Variants in SKIC2 observed in about 807,000 individuals in gnomAD.
The protein encoded by SKIC2 is superkiller complex protein 2.
the SKIC2 span, chr6:31,963,314 GA>G: frequency 2.5e-5 from 30 of 1,208,298 alleles, no homozygotes; most frequent in Admixed American, 6.9e-4. This position sits in a 1 kb window ranked among gnomAD's most constrained non-coding sequence, Gnocchi z 5.3. Context: ...CTGGGTCTCA[GA>G]AAAGACTGGG....
At chr6:31,961,727 C>G in the SKIC2 span, 2 of 1,586,812 alleles carry the variant, frequency 1.3e-6, no homozygotes, top group East Asian at 2.2e-5. Flanking sequence ...GGGTCACACT[C>G]CCAGCCGACC....
the SKIC2 span, chr6:31,966,814 T>C: frequency 6.2e-7 from 1 of 1,614,168 alleles, no homozygotes; most frequent in South Asian, 1.1e-5. This position sits in a 1 kb window ranked among gnomAD's most constrained non-coding sequence, Gnocchi z 5.9. Context: ...GAAGAGGAGC[T>C]TCTCTGAGTT....
chr6:31,967,959 C>T, the SKIC2 span: 1 of 1,613,094 alleles, frequency 6.2e-7, no homozygotes. The surrounding 1 kb of genome is among the most constrained non-coding windows in gnomAD (Gnocchi z 4.9). Context: ...TTCACAGGGC[C>T]TTGTGACCAC....
chr6:31,960,877 G>A, the SKIC2 span: 1 of 898,228 alleles, frequency 1.1e-6, no homozygotes, highest in Admixed American at 2.3e-5. Context: ...TCATCTGCTG[G>A]GAAATTTCTA....
the SKIC2 span, chr6:31,967,426 C>T: frequency 4.2e-6 from 6 of 1,438,082 alleles, no homozygotes; most frequent in Non-Finnish European, 5.9e-6. The surrounding 1 kb of genome is among the most constrained non-coding windows in gnomAD (Gnocchi z 4.9). Context: ...GGAGCAAGCC[C>T]TCTCTCCATT....
chr6:31,961,831 GCCC>G, the SKIC2 span: 1 of 1,578,986 alleles, frequency 6.3e-7, no homozygotes, highest in Non-Finnish European at 8.7e-7. Context: ...TCATCCGCCC[GCCC>G]TGCGTGCTCC....
At chr6:31,963,385 C>G in the SKIC2 span, 1 of 1,521,976 alleles carries the variant, frequency 6.6e-7, no homozygotes, top group Non-Finnish European at 8.8e-7. The surrounding 1 kb of genome is among the most constrained non-coding windows in gnomAD (Gnocchi z 5.3). Flanking sequence ...GTTCCCACCC[C>G]TGACCTGCTT....
At chr6:31,961,081 C>G in the SKIC2 span, 1 of 1,613,410 alleles carries the variant, frequency 6.2e-7, no homozygotes. Context: ...AAGGCATGGA[C>G]TTTGCACCAA....
chr6:31,966,717 G>A, the SKIC2 span: 4,679 of 1,614,040 alleles, frequency 2.9e-3, 146 homozygotes, highest in East Asian at 0.072. The surrounding 1 kb of genome is among the most constrained non-coding windows in gnomAD (Gnocchi z 5.9). Flanking sequence ...AGGGGAAGCC[G>A]TCCCAGCTGC....
At chr6:31,963,513 G>A in the SKIC2 span, 2 of 1,606,716 alleles carry the variant, frequency 1.2e-6, no homozygotes, top group East Asian at 2.2e-5. The surrounding 1 kb of genome is among the most constrained non-coding windows in gnomAD (Gnocchi z 5.3). Context: ...GACCCAGGGG[G>A]AGCTCTTTTT....
the SKIC2 span, chr6:31,966,579 G>A: frequency 1.2e-6 from 1 of 849,422 alleles, no homozygotes; most frequent in Non-Finnish European, 1.9e-6. This position sits in a 1 kb window ranked among gnomAD's most constrained non-coding sequence, Gnocchi z 5.9. Context: ...AGGTGAGCAA[G>A]TGGTTTGTCC....
the SKIC2 span, among the ~76,000 whole-genome samples, chr6:31,965,218 G>A: frequency 3.9e-5 from 6 of 152,208 alleles, no homozygotes; most frequent in Admixed American, 2.0e-4. The surrounding 1 kb of genome is among the most constrained non-coding windows in gnomAD (Gnocchi z 5.6). Context: ...ACCCTGGTCT[G>A]TGAGAGAACA....
chr6:31,960,092 C>T, the SKIC2 span: 1 of 1,613,066 alleles, frequency 6.2e-7, no homozygotes, highest in South Asian at 1.1e-5. Flanking sequence ...GCCTGGCTGC[C>T]TCTGCATGGT....
chr6:31,960,068 T>G, the SKIC2 span: 1 of 1,613,108 alleles, frequency 6.2e-7, no homozygotes, highest in South Asian at 1.1e-5. Context: ...GAACAGTTGT[T>G]TCTGTCATCC....
At chr6:31,963,771 T>C in the SKIC2 span, 13 of 1,523,118 alleles carry the variant, frequency 8.5e-6, no homozygotes, top group African/African-American at 1.4e-4. This position sits in a 1 kb window ranked among gnomAD's most constrained non-coding sequence, Gnocchi z 5.3. Flanking sequence ...CCAGCACCTG[T>C]TTTTCCTCCT....
At chr6:31,963,548 C>A in the SKIC2 span, 2 of 1,585,070 alleles carry the variant, frequency 1.3e-6, no homozygotes, top group South Asian at 2.3e-5. This position sits in a 1 kb window ranked among gnomAD's most constrained non-coding sequence, Gnocchi z 5.3. Context: ...GAGGAGCCTT[C>A]CATACAAAAG....
chr6:31,969,600 C>T, the SKIC2 span: 1 of 1,613,434 alleles, frequency 6.2e-7, no homozygotes, highest in Non-Finnish European at 8.5e-7. This position sits in a 1 kb window ranked among gnomAD's most constrained non-coding sequence, Gnocchi z 6.1. Flanking sequence ...ATGTGTCGCT[C>T]ACTGCGGGGG....
the SKIC2 span, chr6:31,967,244 C>T: frequency 6.2e-7 from 1 of 1,608,350 alleles, no homozygotes; most frequent in South Asian, 1.1e-5. The surrounding 1 kb of genome is among the most constrained non-coding windows in gnomAD (Gnocchi z 4.9). Flanking sequence ...CCCTGTGATG[C>T]CTCCTCCCAT....
chr6:31,962,889 C>T, the SKIC2 span: 4 of 1,326,182 alleles, frequency 3.0e-6, no homozygotes, highest in Admixed American at 1.7e-5. This position sits in a 1 kb window ranked among gnomAD's most constrained non-coding sequence, Gnocchi z 5.0. Context: ...GGGCCCCTTA[C>T]TGCTTTCTTT....
Sources: allele counts gnomAD v4.1 joint callset (sites outside exome capture counted in the v4.1 genomes callset), GRCh38; gene constraint gnomAD v4.1.1; non-coding constraint Gnocchi (gnomAD v3.1); transcripts MANE v1.5; gene names NCBI Gene and HGNC (gene_info 2026-07-23, HGNC 2026-07-21).